PCNX2: variants seen among roughly 807,000 people sequenced by gnomAD.
The protein encoded by PCNX2 is pecanex-like protein 2.
PCNX2 carries 168 observed loss-of-function variants against 223.8 expected under a neutral mutation model. The observed-to-expected ratio is 0.75, with a 90% CI of 0.66 to 0.85. The LOEUF is 0.85. PCNX2 is among the 40% of genes least tolerant of loss of function. PCNX2 has a pLI of 0.00. For synonymous variants in PCNX2, 1,006 were observed against 1,052.6 expected (o/e 0.96, Z 0.86); for missense variants, 2,507 against 2,675.5 (o/e 0.94, Z 1.39).
chr1:233,196,784 CA>C (rs1304142680), intron 15 of PCNX2, among the ~76,000 whole-genome samples: 2 of 152,086 alleles, frequency 1.3e-5, no homozygotes, highest in African/African-American at 4.8e-5. Context: ...AGAAACTGGA[CA>C]ACAGTTTGGC....
chr1:233,191,875 C>T (rs1040850820), intron 15 of PCNX2, among the ~76,000 whole-genome samples: 31 of 152,168 alleles, frequency 2.0e-4, no homozygotes, highest in African/African-American at 7.2e-4. Context: ...TCATTCAGGT[C>T]ATGGATGTAG....
chr1:233,194,038 A>G (rs1680570518), intron 15 of PCNX2, among the ~76,000 whole-genome samples: 1 of 151,254 alleles, frequency 6.6e-6, no homozygotes, highest in African/African-American at 2.4e-5. Context: ...CAACTCACAA[A>G]TCAAACAGTT....
rs530931619 is a variant in PCNX2 at position 233,112,546 on chromosome 1, TTCTC to T, written c.3838-16687_3838-16684del. 3.5e-3 allele frequency among the ~76,000 whole-genome samples: 540 copies of T among 152,342 alleles called. 2 individuals are homozygous for T. Among genetic ancestry groups the T allele is most frequent in the Admixed American group, 8.8e-3 (135 of 15,308 alleles). ...AGATTTACCAGCTCTGGCTCTTCAA[TTCTC>T]TCTATTAATGAAGGCACATCACTGC... On this transcript the variant is annotated intron_variant, in intron 21 of 33. Coordinates refer to ENST00000258229, the MANE Select transcript of PCNX2 (RefSeq NM_014801.4).
the PCNX2 span, among the ~76,000 whole-genome samples, chr1:233,326,157 C>T: frequency 6.6e-6 from 1 of 152,200 alleles, no homozygotes; most frequent in Non-Finnish European, 1.5e-5. Context: ...TGCTATTGCA[C>T]ACTTTATACG....
At chr1:233,284,727 T>A (rs190354777) in intron 1 of PCNX2, among the ~76,000 whole-genome samples, 1 of 152,268 alleles carries the variant, frequency 6.6e-6, no homozygotes, top group Admixed American at 6.5e-5. Context: ...AGTTAGTCTC[T>A]CAGGCACAGG....
At chr1:233,297,707 T>A (rs1224101928), upstream of PCNX2, among the ~76,000 whole-genome samples, 4 of 152,090 alleles carry the variant, frequency 2.6e-5, no homozygotes, top group Non-Finnish European at 5.9e-5. Flanking sequence ...CTTAATGAGA[T>A]AAGCAAAGGT....
intron 13 of PCNX2, among the ~76,000 whole-genome samples, chr1:233,202,889 T>C (rs1425408458): frequency 6.6e-6 from 1 of 152,176 alleles, no homozygotes. Context: ...CTGATGGACA[T>C]TTCATCGTGC....
chr1:233,320,894 AG>A, the PCNX2 span, among the ~76,000 whole-genome samples: 1 of 152,182 alleles, frequency 6.6e-6, no homozygotes, highest in African/African-American at 2.4e-5. Flanking sequence ...AGCAGCTAAA[AG>A]CTTTCTAAAA....
At chr1:232,987,802 G>C (rs1006682653) in intron 32 of PCNX2, among the ~76,000 whole-genome samples, 6 of 152,050 alleles carry the variant, frequency 3.9e-5, no homozygotes, top group African/African-American at 1.5e-4. Context: ...GGGCCTTTCT[G>C]CCTCCTGTTG....
intron 15 of PCNX2, among the ~76,000 whole-genome samples, chr1:233,182,974 T>C (rs1679888116): frequency 6.6e-6 from 1 of 152,150 alleles, no homozygotes. Context: ...ACAGGAGTTG[T>C]GCATACACAT....
intron 23 of PCNX2, among the ~76,000 whole-genome samples, chr1:233,062,496 A>G (rs553353918): frequency 8.5e-5 from 13 of 152,250 alleles, no homozygotes; most frequent in African/African-American, 3.1e-4. Flanking sequence ...TTCATAGCTT[A>G]TATTTTCATT....
rs1670097170 is a variant in PCNX2 at position 233,001,755 on chromosome 1, A to G, written c.4953-74T>C. On this transcript the variant is annotated intron_variant, in intron 28 of 33. Transcript: ENST00000258229. The surrounding 1 kb of genome is among the most constrained non-coding windows in gnomAD (Gnocchi z 4.2). ...ATTGTGAGCAAAGTTTGAGTCTCCC[A>G]TTTGTCTAAGAATTATCTTAACATT... The G allele has an allele frequency of 1.5e-6, 2 of 1,314,494 alleles. No homozygotes were observed. The highest frequency in any genetic ancestry group is 2.0e-6 in the Non-Finnish European group (2 of 998,928). 81.4% of individuals were successfully genotyped at this position (1,314,494 alleles called of 1,614,324 possible).
intron 20 of PCNX2, among the ~76,000 whole-genome samples, chr1:233,136,488 C>T (rs1450752498): frequency 1.3e-5 from 2 of 152,152 alleles, no homozygotes; most frequent in Admixed American, 1.3e-4. Flanking sequence ...TTGTTTCCAC[C>T]TTGCCCCAGG....
intron 23 of PCNX2, among the ~76,000 whole-genome samples, chr1:233,060,270 T>C (rs1247362070): frequency 6.6e-6 from 1 of 152,210 alleles, no homozygotes; most frequent in Non-Finnish European, 1.5e-5. Context: ...AGTCCCTAAA[T>C]GGAATTTTAA....
At chr1:233,177,369 C>T (rs150219093) in intron 17 of PCNX2, among the ~76,000 whole-genome samples, 1,959 of 152,238 alleles carry the variant, frequency 0.013, 25 homozygotes, top group South Asian at 0.036. Context: ...TTTGCCTCTT[C>T]TAAAAAGTTC....
chr1:232,999,201 G>A lies in PCNX2; in HGVS notation c.5507C>T (p.Thr1836Ile), dbSNP rs746953435. 6 of 1,613,864 alleles carry A rather than the reference G, an allele frequency of 3.7e-6. No individual in the cohort carries two copies. In the African/African-American group the frequency reaches 5.3e-5, roughly 14 times the overall value. ...CTGCCTGTGTGTCCCTAGGTAGGAT[G>A]TGGTTAGTGGGGAGACATACATGGG... is the stretch of plus-strand genomic sequence containing the variant. ...GYPMYVSPLT[T>I]SYLGTHRQLK... The change falls in exon 31 of 34, where the codon ACA becomes ATA. Residue 1836 changes from threonine (T) to isoleucine (I), a missense_variant. Thr to Ile is a moderately conservative substitution (Grantham distance 89). This residue lies in a region of PCNX2 where 1,372 missense variants were observed against 1,509.4 expected (regional missense o/e 0.91). Transcript: ENST00000258229.
chr1:233,050,172 G>A (rs1671949782), intron 25 of PCNX2, among the ~76,000 whole-genome samples: 1 of 151,932 alleles, frequency 6.6e-6, no homozygotes, highest in South Asian at 2.1e-4. Flanking sequence ...AACCATCATG[G>A]CACGTGTATA....
chr1:233,109,980 T>A (rs1040911322), intron 21 of PCNX2, among the ~76,000 whole-genome samples: 21 of 152,134 alleles, frequency 1.4e-4, no homozygotes, highest in African/African-American at 5.1e-4. Context: ...TCCCAACTAC[T>A]CAGGAGACTG....
chr1:233,088,566 C>T (rs751679066), intron 23 of PCNX2, among the ~76,000 whole-genome samples: 1 of 152,112 alleles, frequency 6.6e-6, no homozygotes, highest in South Asian at 2.1e-4. Context: ...AATGAGCAGC[C>T]TTGTTATGTG....
Sources: gnomAD v4.1 joint callset for allele counts (sites outside exome capture counted in the v4.1 genomes callset) on GRCh38, gnomAD v4.1.1 for gene constraint, gnomAD v4.1.1 regional missense constraint, Gnocchi (gnomAD v3.1) non-coding constraint, MANE v1.5 for transcripts, NCBI Gene and HGNC (gene_info 2026-07-23, HGNC 2026-07-21) for gene names.